The following DGKI variants were observed in gnomAD, a reference collection of about 807,000 sequenced individuals.
DGKI encodes DAG kinase iota.
A neutral mutation model predicts 147.5 loss-of-function variants in DGKI; 55 were observed. That is an observed-to-expected ratio of 0.37 (90% CI 0.30 to 0.47). DGKI has a LOEUF of 0.47. DGKI is among the 20% of genes least tolerant of loss of function. The pLI is 1.00. For synonymous variants in DGKI, 469 were observed against 477.1 expected (o/e 0.98, Z 0.22); for missense variants, 1,007 against 1,323.8 (o/e 0.76, Z 3.71).
At chr7:137,698,385 G>A (rs1823867268) in intron 1 of DGKI, among the ~76,000 whole-genome samples, 1 of 152,202 alleles carries the variant, frequency 6.6e-6, no homozygotes, top group Non-Finnish European at 1.5e-5. Context: ...AGGATTAGCA[G>A]AGTGAGAAGC....
At position 137,382,513 on chromosome 7, in the gene DGKI, T is replaced by C. The variant is rs1348719114; in HGVS notation, c.*8707A>G. On this transcript the variant is annotated 3_prime_UTR_variant, in exon 33 of 33. Coordinates refer to ENST00000614521, the MANE Select transcript of DGKI (RefSeq NM_001321708.2). Reference sequence around the variant, plus strand: ...CCCCCAAGTTCCACACACAATCTAATTCTTCTATGCTGCATAAACTGAAAT... The same window carrying C: ...CCCCCAAGTTCCACACACAATCTAACTCTTCTATGCTGCATAAACTGAAAT... 6.6e-6 allele frequency: 1 copy of C among 152,074 alleles called. No homozygotes were observed. The highest frequency in any genetic ancestry group is 2.4e-5 in the African/African-American group (1 of 41,448). The allele number at this position is 152,074 out of a possible 1,614,324, so 9.4% of individuals were successfully genotyped here.
intron 3 of DGKI, among the ~76,000 whole-genome samples, chr7:137,675,622 T>C (rs1441326977): frequency 2.8e-5 from 4 of 144,544 alleles, no homozygotes; most frequent in Non-Finnish European, 4.5e-5. Flanking sequence ...GAGGCGGAGG[T>C]TGCAGTGAGC....
chr7:137,455,510 C>A (rs1299594815), intron 27 of DGKI, among the ~76,000 whole-genome samples: 2 of 151,724 alleles, frequency 1.3e-5, no homozygotes, highest in Non-Finnish European at 2.9e-5. Flanking sequence ...CCATTCCCAC[C>A]TTTAAGGAGC....
chr7:137,653,072 A>G (rs146139377), intron 5 of DGKI, among the ~76,000 whole-genome samples: 27 of 151,626 alleles, frequency 1.8e-4, no homozygotes, highest in African/African-American at 6.1e-4. Context: ...CCTCAAATCA[A>G]CTCATTTTCC....
intron 1 of DGKI, among the ~76,000 whole-genome samples, chr7:137,785,042 T>C (rs1356439836): frequency 6.6e-6 from 1 of 151,862 alleles, no homozygotes; most frequent in Non-Finnish European, 1.5e-5. Flanking sequence ...ATAGACGATC[T>C]AAGGTCACAC....
At chr7:137,511,053 C>T (rs1816563435) in intron 21 of DGKI, among the ~76,000 whole-genome samples, 1 of 152,156 alleles carries the variant, frequency 6.6e-6, no homozygotes, top group African/African-American at 2.4e-5. Flanking sequence ...TAGGGAAAGC[C>T]TGAAGTTTTT....
chr7:137,609,442 T>C, intron 9 of DGKI, 93 bp downstream of exon 9: 1 of 895,442 alleles, frequency 1.1e-6, no homozygotes, highest in Non-Finnish European at 1.8e-6. Context: ...AGAAGATAGA[T>C]CAGAAAAATC....
intron 1 of DGKI, among the ~76,000 whole-genome samples, chr7:137,744,994 C>T (rs758953697): frequency 6.6e-6 from 1 of 152,120 alleles, no homozygotes; most frequent in Non-Finnish European, 1.5e-5. Flanking sequence ...GATAAGGGTA[C>T]TATGTTCACT....
chr7:137,479,665 T>C (rs1246705911), intron 23 of DGKI, among the ~76,000 whole-genome samples: 2 of 152,170 alleles, frequency 1.3e-5, no homozygotes, highest in Non-Finnish European at 2.9e-5. Context: ...AAATTCTTTT[T>C]CTTTCATAAA....
chr7:137,520,637 A>G (rs1445402596), intron 21 of DGKI, among the ~76,000 whole-genome samples: 1 of 152,076 alleles, frequency 6.6e-6, no homozygotes, highest in Non-Finnish European at 1.5e-5. Flanking sequence ...AAAACAACAT[A>G]AAGGGTTTAG....
At chr7:137,649,219 T>G (rs1165404742) in intron 5 of DGKI, among the ~76,000 whole-genome samples, 1 of 152,180 alleles carries the variant, frequency 6.6e-6, no homozygotes, top group East Asian at 1.9e-4. Context: ...GATCATCAAT[T>G]GCCTTCATCG....
intron 20 of DGKI, among the ~76,000 whole-genome samples, chr7:137,526,321 T>C (rs1439951923): frequency 6.6e-6 from 1 of 151,098 alleles, no homozygotes; most frequent in East Asian, 2.0e-4. Flanking sequence ...CCATGGAACA[T>C]CTCAAACTCC....
At chr7:137,488,874 A>G (rs903323624) in intron 21 of DGKI, among the ~76,000 whole-genome samples, 3 of 152,284 alleles carry the variant, frequency 2.0e-5, no homozygotes, top group African/African-American at 7.2e-5. Context: ...AAATGTATTA[A>G]CTTAGTCATT....
Position 137,382,802 on chromosome 7 carries a change from C to T in DGKI, c.*8418G>A, listed in dbSNP as rs1811090225. ...GTGGAGTAGAAGCAGGTCTTTTCTG[C>T]AAGACTCTGGATATGGATTCATTTC... On this transcript the variant is annotated 3_prime_UTR_variant, in exon 33 of 33. Coordinates refer to ENST00000614521, the MANE Select transcript of DGKI (RefSeq NM_001321708.2). The T allele has an allele frequency of 6.6e-6, 1 of 151,970 alleles. No individual in the cohort carries two copies. The highest frequency in any genetic ancestry group is 6.6e-5 in the Admixed American group (1 of 15,218). 9.4% of individuals were successfully genotyped at this position (151,970 alleles called of 1,614,324 possible).
chr7:137,473,155 A>G (rs1310141175), intron 23 of DGKI, among the ~76,000 whole-genome samples: 1 of 152,100 alleles, frequency 6.6e-6, no homozygotes, highest in East Asian at 1.9e-4. Context: ...TTTTATGCCC[A>G]TGCCTGACTT....
chr7:137,618,044 T>C (rs1451665751), intron 8 of DGKI, among the ~76,000 whole-genome samples: 1 of 144,138 alleles, frequency 6.9e-6, no homozygotes, highest in Non-Finnish European at 1.5e-5. Context: ...CTGATTTTCC[T>C]AACTAGTGTG....
chr7:137,645,643 T>A (rs2129008482), intron 5 of DGKI, 106 bp from the exon 6 acceptor site: 1 of 1,035,938 alleles, frequency 9.7e-7, no homozygotes, highest in South Asian at 1.7e-5. Context: ...CATAGTTCAC[T>A]GCAGCCTCGA....
intron 17 of DGKI, among the ~76,000 whole-genome samples, chr7:137,576,689 T>C (rs1190593226): frequency 6.6e-6 from 1 of 152,130 alleles, no homozygotes; most frequent in Admixed American, 6.6e-5. Flanking sequence ...CATCTAGTGG[T>C]GAGGAACCTT....
chr7:137,569,864 A>G lies in DGKI; in HGVS notation c.1947+1311T>C, dbSNP rs368906185. 3.2e-4 allele frequency among the ~76,000 whole-genome samples: 48 copies of G among 150,862 alleles called. 1 individual carries two copies. In the East Asian group the frequency reaches 7.2e-3, roughly 23 times the overall value. On this transcript the variant is annotated intron_variant, in intron 19 of 32. Transcript: ENST00000614521. ...GCAATAAACATAAAAAGCTCTGGAG[A>G]TAAGGAGCTATATTGTGTTACAACG...
Sources: gnomAD v4.1 joint callset for allele counts (sites outside exome capture counted in the v4.1 genomes callset) on GRCh38, gnomAD v4.1.1 for gene constraint, MANE v1.5 for transcripts, NCBI Gene and HGNC (gene_info 2026-07-23, HGNC 2026-07-21) for gene names.